ARSB: variants seen among roughly 807,000 people sequenced by gnomAD.
The protein encoded by ARSB is arylsulfatase B, also known as N-acetylgalactosamine-4-sulfatase.
A neutral mutation model predicts 50.9 loss-of-function variants in ARSB; 41 were observed. The ratio of observed to expected loss-of-function variants is 0.81; its 90% CI spans 0.63 to 1.04. The LOEUF (loss-of-function observed/expected upper bound fraction) is 1.04. ARSB is among the 50% of genes least tolerant of loss of function. The pLI, the probability that ARSB is intolerant of heterozygous loss-of-function variation, is 0.00. For synonymous variants in ARSB, 269 were observed against 284.8 expected, an observed-to-expected ratio of 0.94 and a Z score of 0.56; for missense variants, 672 against 693.3, an observed-to-expected ratio of 0.97 and a Z score of 0.35.
At chr5:78,825,180 G>A (rs1744383348) in intron 6 of ARSB, among the ~76,000 whole-genome samples, 1 of 152,194 alleles carries the variant, frequency 6.6e-6, no homozygotes, top group Non-Finnish European at 1.5e-5. Context: ...AAGAGTTGAT[G>A]TCATCCTTGG....
chr5:78,878,131 CT>C (rs1464125998), intron 5 of ARSB, among the ~76,000 whole-genome samples: 1 of 152,096 alleles, frequency 6.6e-6, no homozygotes, highest in Non-Finnish European at 1.5e-5. Flanking sequence ...TGGGGGACAA[CT>C]TTAAGTGTCC....
chr5:78,850,809 T>C (rs1745733122), intron 5 of ARSB, among the ~76,000 whole-genome samples: 1 of 152,232 alleles, frequency 6.6e-6, no homozygotes, highest in Non-Finnish European at 1.5e-5. Flanking sequence ...TATCCAGTAA[T>C]TTATCCGTTT....
At chr5:78,934,563 G>A (rs1028700866) in intron 4 of ARSB, among the ~76,000 whole-genome samples, 3 of 152,148 alleles carry the variant, frequency 2.0e-5, no homozygotes, top group Non-Finnish European at 4.4e-5. Flanking sequence ...GCCAAGGCAG[G>A]TGGATTGCCT....
At chr5:78,867,541 C>G (rs1217505104) in intron 5 of ARSB, among the ~76,000 whole-genome samples, 1 of 151,992 alleles carries the variant, frequency 6.6e-6, no homozygotes, top group Non-Finnish European at 1.5e-5. Context: ...CTGGGAGGCA[C>G]CCCCCAGCAG....
chr5:78,847,784 A>G (rs954006492), intron 5 of ARSB, among the ~76,000 whole-genome samples: 2 of 152,076 alleles, frequency 1.3e-5, no homozygotes, highest in African/African-American at 2.4e-5. Context: ...TCTTGGTTCA[A>G]TCATGGCACA....
chr5:78,891,667 A>G lies in ARSB; in HGVS notation c.899-5840T>C, dbSNP rs1263620552. 1.3e-5 allele frequency among the ~76,000 whole-genome samples: 2 copies of G among 152,204 alleles called. 1 individual carries two copies. Among genetic ancestry groups the G allele is most frequent in the Non-Finnish European group, 2.9e-5 (2 of 68,028 alleles). On this transcript the variant is annotated intron_variant, in intron 4 of 7. Transcript: ENST00000264914. ...GGACAGAGCCAGCCAAGTGACCACC[A>G]GAGAGATGAGAGCCCAGGCACAGGG...
chr5:78,867,752 C>T (rs1474905360), intron 5 of ARSB, among the ~76,000 whole-genome samples: 4 of 151,844 alleles, frequency 2.6e-5, no homozygotes, highest in Admixed American at 1.3e-4. Context: ...AAACGCAGAG[C>T]GCCTCTCCTC....
chr5:78,836,721 G>A (rs930618576), intron 6 of ARSB, among the ~76,000 whole-genome samples: 6 of 152,202 alleles, frequency 3.9e-5, no homozygotes, highest in African/African-American at 9.6e-5. Context: ...GAACCCTGCA[G>A]CACACAGTGC....
chr5:78,928,752 T>C (rs977826346), intron 4 of ARSB, among the ~76,000 whole-genome samples: 7 of 152,234 alleles, frequency 4.6e-5, no homozygotes, highest in Non-Finnish European at 1.0e-4. Context: ...AAATTAATTG[T>C]ATTCTCTTCC....
intron 1 of ARSB, among the ~76,000 whole-genome samples, chr5:78,983,385 TC>T (rs1341479827): frequency 1.3e-5 from 2 of 152,218 alleles, no homozygotes; most frequent in African/African-American, 2.4e-5. Flanking sequence ...GTATTTGCTT[TC>T]CTGTCCAACT....
intron 4 of ARSB, among the ~76,000 whole-genome samples, chr5:78,924,593 G>A (rs1486799543): frequency 6.6e-6 from 1 of 152,172 alleles, no homozygotes; most frequent in Non-Finnish European, 1.5e-5. Flanking sequence ...GGAATTGACT[G>A]GACCTGGAAT....
intron 4 of ARSB, among the ~76,000 whole-genome samples, chr5:78,902,496 C>A (rs1561491652): frequency 6.6e-6 from 1 of 152,140 alleles, no homozygotes; most frequent in Non-Finnish European, 1.5e-5. Flanking sequence ...AAAGTAGGAA[C>A]AACCCAAATA....
intron 5 of ARSB, among the ~76,000 whole-genome samples, chr5:78,843,123 G>A (rs1210713297): frequency 2.6e-5 from 4 of 152,198 alleles, no homozygotes; most frequent in African/African-American, 9.6e-5. Flanking sequence ...GTGCAGCCAA[G>A]CATGGGAACC....
chr5:78,960,118 T>C (rs1393346913), intron 3 of ARSB, among the ~76,000 whole-genome samples: 1 of 152,256 alleles, frequency 6.6e-6, no homozygotes. Context: ...GTCTTGGGAA[T>C]GTGAAATGAA....
At chr5:78,890,085 T>G (rs1748217448) in intron 4 of ARSB, among the ~76,000 whole-genome samples, 2 of 152,138 alleles carry the variant, frequency 1.3e-5, no homozygotes, top group Non-Finnish European at 2.9e-5. Context: ...TGATGGTTGA[T>G]TCTTTGGATT....
At chr5:78,790,774 G>A (rs949849842) in intron 6 of ARSB, among the ~76,000 whole-genome samples, 2 of 152,064 alleles carry the variant, frequency 1.3e-5, no homozygotes, top group Non-Finnish European at 2.9e-5. Flanking sequence ...CTTACAAAGA[G>A]GAGGAAAGGA....
intron 6 of ARSB, among the ~76,000 whole-genome samples, chr5:78,793,275 C>T (rs1389617763): frequency 1.3e-5 from 2 of 152,170 alleles, no homozygotes; most frequent in African/African-American, 4.8e-5. Flanking sequence ...CTCAAATGTG[C>T]CTCCTATAGT....
chr5:78,800,197 A>G (rs1383017720), intron 6 of ARSB, among the ~76,000 whole-genome samples: 3 of 152,090 alleles, frequency 2.0e-5, no homozygotes, highest in African/African-American at 7.2e-5. Flanking sequence ...GTGCACCTGT[A>G]GTCCCAGCTA....
At chr5:78,781,037 T>C (rs1237108230) in intron 7 of ARSB, among the ~76,000 whole-genome samples, 2 of 152,226 alleles carry the variant, frequency 1.3e-5, no homozygotes, top group East Asian at 1.9e-4. Flanking sequence ...AATGTTCTCA[T>C]TGTAAACATT....
Sources: gnomAD v4.1 joint callset for allele counts (sites outside exome capture counted in the v4.1 genomes callset) on GRCh38, gnomAD v4.1.1 for gene constraint, MANE v1.5 for transcripts, NCBI Gene and HGNC (gene_info 2026-07-23, HGNC 2026-07-21) for gene names.